The following WWP2 variants were observed in gnomAD, a reference collection of about 807,000 sequenced individuals.
WWP2 encodes WW domain containing E3 ubiquitin protein ligase 2.
A neutral mutation model predicts 121.0 loss-of-function variants in WWP2; 57 were observed. That is an observed-to-expected ratio of 0.47 (90% confidence interval 0.38 to 0.59). The LOEUF is 0.59. Among genes scored for constraint, WWP2 ranks in the 20% least tolerant of loss-of-function variants. The pLI, the probability that WWP2 is intolerant of heterozygous loss-of-function variation, is 0.00. For synonymous variants in WWP2, 449 were observed against 441.3 expected (o/e 1.02, Z -0.22); for missense variants, 962 against 1,158.9 (o/e 0.83, Z 2.47).
chr16:69,787,753 T>G (rs1281111099), intron 2 of WWP2, among the ~76,000 whole-genome samples: 5 of 152,222 alleles, frequency 3.3e-5, no homozygotes, highest in African/African-American at 1.2e-4. Flanking sequence ...GAACTCCTGA[T>G]TTATAACCAG....
intron 23 of WWP2, 38 bp from the exon 24 acceptor site, chr16:69,939,803 T>G (rs748391520): frequency 3.2e-6 from 5 of 1,577,648 alleles, no homozygotes; most frequent in Middle Eastern, 1.7e-4. Flanking sequence ...AGCCCTGGCC[T>G]CCTAGGGCTG....
At position 69,936,638 on chromosome 16, in the gene WWP2, T is replaced by G. The variant is rs1339541521; in HGVS notation, c.2117+186T>G. On this transcript the variant is annotated intron_variant, in intron 19 of 23. Coordinates refer to ENST00000359154, the MANE Select transcript of WWP2 (RefSeq NM_001270454.2). ...GCTGGGGGAACCAAAGCCGAGGTCC[T>G]TAGTTACCGACTCCCAGCTGTGCTT... The G allele has an allele frequency of 6.6e-6, 5 of 758,816 alleles. No individual in the cohort carries two copies. In the Admixed American group the frequency reaches 1.1e-4, roughly 17 times the overall value. The allele number at this position is 758,816 out of a possible 1,614,324, so 47.0% of individuals were successfully genotyped here.
intron 4 of WWP2, among the ~76,000 whole-genome samples, chr16:69,814,306 A>G (rs552776615): frequency 1.8e-4 from 28 of 152,114 alleles, no homozygotes; most frequent in African/African-American, 6.5e-4. Context: ...AACTACAGGC[A>G]TGCGGTCCTG....
Position 69,923,571 on chromosome 16 carries a change from G to T in WWP2, c.1180-1859G>T, listed in dbSNP as rs137987086. 4.0e-3 allele frequency among the ~76,000 whole-genome samples: 609 copies of T among 152,244 alleles called. 8 individuals are homozygous for T. Among genetic ancestry groups the T allele is most frequent in the African/African-American group, 0.013 (527 of 41,528 alleles). On this transcript the variant is annotated intron_variant, in intron 10 of 23. Coordinates refer to ENST00000359154, the MANE Select transcript of WWP2 (RefSeq NM_001270454.2). ...GATGACCATGCCCCTGTGGAAGCTG[G>T]GTTGGTACCAGCTGGTAGCTGATTT...
chr16:69,871,845 C>G lies in WWP2; in HGVS notation c.617C>G (p.Ala206Gly). ...GGTGCTTCAGCCAGAACAACCCCAG[C>G]AACCGGCGAGCAAAGCCCCGGTGCT... is the stretch of plus-strand genomic sequence containing the variant. The part of the protein sequence containing the change: ...HSGASARTTP[A>G]TGEQSPGARS... The change falls in exon 7 of 24, where the codon GCA becomes GGA. Residue 206 changes from alanine to glycine, a missense_variant. By Grantham distance (60) the Ala-to-Gly change is moderately conservative (BLOSUM62 0). Transcript: ENST00000359154. The G allele has an allele frequency of 6.2e-7, 1 of 1,614,148 alleles. No homozygotes were observed. The highest frequency in any genetic ancestry group is 1.3e-5 in the African/African-American group (1 of 75,056).
chr16:69,847,956 A>C (rs1407391305), intron 6 of WWP2, among the ~76,000 whole-genome samples: 2 of 152,154 alleles, frequency 1.3e-5, no homozygotes, highest in Non-Finnish European at 2.9e-5. Flanking sequence ...CTGTGAGTGG[A>C]GCTGCTCCTC....
Position 69,846,049 on chromosome 16 carries a change from C to CAAAAAAAAAAAAA in WWP2, c.575+3938_575+3950dup, listed in dbSNP as rs57201672. On this transcript the variant is annotated intron_variant, in intron 6 of 23. Coordinates refer to ENST00000359154, the MANE Select transcript of WWP2 (RefSeq NM_001270454.2). ...TGGGTGACAGAGCCAGACTCCATCT[C>CAAAAAAAAAAAAA]AAAAAAAAAAAAAAAAAAAAAGAAT... 2.7e-3 allele frequency among the ~76,000 whole-genome samples: 122 copies of CAAAAAAAAAAAAA among 45,556 alleles called. 6 individuals carry two copies. The highest frequency in any genetic ancestry group is 3.7e-3 in the African/African-American group (36 of 9,742). 29.9% of individuals were successfully genotyped at this position (45,556 alleles called of 152,430 possible). A position where few individuals can be genotyped will look rare whatever the true frequency, so the allele number is the denominator to read the frequency against.
At chr16:69,917,589 AG>A in intron 9 of WWP2, 119 bp from the exon 10 acceptor site, 9 of 1,192,388 alleles carry the variant, frequency 7.5e-6, no homozygotes, top group Non-Finnish European at 1.1e-5. Flanking sequence ...TAATCAGCTA[AG>A]CCCCAGCAAC....
At chr16:69,837,887 A>T (rs1423795729) in intron 4 of WWP2, among the ~76,000 whole-genome samples, 2 of 152,160 alleles carry the variant, frequency 1.3e-5, no homozygotes, top group African/African-American at 4.8e-5. Flanking sequence ...AGCCCAAAAA[A>T]GTCTCAGAAG....
At position 69,931,032 on chromosome 16, in the gene WWP2, T is replaced by A. The variant is rs1413933275; in HGVS notation, c.1446-120T>A. The stretch of plus-strand genomic sequence containing the variant: ...AAGGATCTTAATGACAGTCACTTCC[T>A]CACCTTACATTACTAATCTTTAAAT... On this transcript the variant is annotated intron_variant, in intron 13 of 23. Coordinates refer to ENST00000359154, the MANE Select transcript of WWP2 (RefSeq NM_001270454.2). 6 of 907,140 alleles carry A rather than the reference T, an allele frequency of 6.6e-6. No individual in the cohort carries two copies. In the East Asian group the frequency reaches 1.5e-4, roughly 22 times the overall value. The allele number at this position is 907,140 out of a possible 1,614,324, so 56.2% of individuals were successfully genotyped here.
chr16:69,872,090 C>G (rs948374412), intron 7 of WWP2, among the ~76,000 whole-genome samples, 159 bp downstream of exon 7: 2 of 152,154 alleles, frequency 1.3e-5, no homozygotes, highest in African/African-American at 2.4e-5. Flanking sequence ...TTCTACTGAC[C>G]CATCTTCTTC....
At chr16:69,836,862 C>T (rs1481174449) in intron 4 of WWP2, among the ~76,000 whole-genome samples, 1 of 152,138 alleles carries the variant, frequency 6.6e-6, no homozygotes, top group Non-Finnish European at 1.5e-5. Flanking sequence ...GCGACCCACC[C>T]ATCGCAGCCC....
intron 6 of WWP2, among the ~76,000 whole-genome samples, chr16:69,862,852 C>T (rs2057450142): frequency 1.3e-5 from 2 of 151,564 alleles, no homozygotes; most frequent in Admixed American, 6.6e-5. Flanking sequence ...CAGCCTCCCG[C>T]ATAGCTGGGA....
At chr16:69,817,717 G>A (rs1196246971) in intron 4 of WWP2, among the ~76,000 whole-genome samples, 1 of 146,870 alleles carries the variant, frequency 6.8e-6, no homozygotes, top group Non-Finnish European at 1.5e-5. Flanking sequence ...GTCACACAGG[G>A]GTGTGATCAC....
chr16:69,931,858 C>T lies in WWP2; in HGVS notation c.1650C>T (p.Gly550=), dbSNP rs937166880. ...GCCGGCTCTACATCATCATGCGTGG[C>T]GAGGAGGGCCTGGACTATGGGGGCA... ...LRRRLYIIMR[G]EEGLDYGGIA... Residue 550 remains glycine (G), a synonymous_variant, in exon 16 of 24, where the codon GGC becomes GGT. Coordinates refer to ENST00000359154, the MANE Select transcript of WWP2 (RefSeq NM_001270454.2). 18 of 1,613,564 alleles carry T rather than the reference C, an allele frequency of 1.1e-5. No individual in the cohort carries two copies. Among genetic ancestry groups the T allele is most frequent in the East Asian group, 4.5e-5 (2 of 44,890 alleles).
At chr16:69,772,784 C>CGA (rs1163249170) in intron 1 of WWP2, among the ~76,000 whole-genome samples, 1 of 151,948 alleles carries the variant, frequency 6.6e-6, no homozygotes, top group Non-Finnish European at 1.5e-5. Flanking sequence ...GGTCCTGAGT[C>CGA]GAGTCCTCCC....
At chr16:69,936,878 C>T (rs748961907) in intron 19 of WWP2, 35 of 530,106 alleles carry the variant, frequency 6.6e-5, no homozygotes, top group Middle Eastern at 5.1e-4. Flanking sequence ...GTTCAGTCGG[C>T]GCTGGGGGCA....
intron 4 of WWP2, among the ~76,000 whole-genome samples, chr16:69,811,562 T>C (rs770206455): frequency 1.1e-4 from 17 of 152,032 alleles, no homozygotes; most frequent in Admixed American, 1.3e-4. Context: ...AGACTCAGTA[T>C]TGTAGTGAGA....
At chr16:69,881,060 C>T (rs2057819619) in intron 7 of WWP2, among the ~76,000 whole-genome samples, 1 of 152,222 alleles carries the variant, frequency 6.6e-6, no homozygotes, top group African/African-American at 2.4e-5. Context: ...GAATGTTTCA[C>T]CAACATCACA....
Sources: allele counts gnomAD v4.1 joint callset (sites outside exome capture counted in the v4.1 genomes callset), GRCh38; gene constraint gnomAD v4.1.1; transcripts MANE v1.5; gene names NCBI Gene and HGNC (gene_info 2026-07-23, HGNC 2026-07-21).